Variants in ILRUN observed in about 807,000 individuals in gnomAD.
ILRUN encodes the protein inflammation and lipid regulator with UBA-like and NBR1-like domains, also known as protein ILRUN.
In ILRUN, 3 loss-of-function variants were observed where a neutral mutation model predicts 33.8. The ratio of observed to expected loss-of-function variants is 0.09; its 90% CI spans 0.04 to 0.23. The LOEUF (loss-of-function observed/expected upper bound fraction) is 0.23. Ranked by LOEUF, ILRUN falls within the 10% of genes least tolerant of loss-of-function variation. ILRUN has a pLI of 1.00. For synonymous variants in ILRUN, 124 were observed against 138.9 expected (o/e 0.89, Z 0.75); for missense variants, 210 against 375.1 (o/e 0.56, Z 3.64).
At chr6:34,600,446 C>T (rs562876361) in intron 4 of ILRUN, among the ~76,000 whole-genome samples, 16 of 152,232 alleles carry the variant, frequency 1.1e-4, no homozygotes, top group Non-Finnish European at 1.9e-4. Context: ...ACAGCCCCTA[C>T]GTATGTTCTA....
intron 1 of ILRUN, among the ~76,000 whole-genome samples, chr6:34,659,642 T>TA (rs71000078): frequency 7.0e-6 from 1 of 142,332 alleles, no homozygotes. Flanking sequence ...TTTTTTTTTT[T>TA]AACGGAGTCT....
chr6:34,593,946 C>T (rs536195017), intron 4 of ILRUN, among the ~76,000 whole-genome samples: 2 of 152,126 alleles, frequency 1.3e-5, no homozygotes, highest in Non-Finnish European at 2.9e-5. Context: ...AAGACCATCG[C>T]GGTACCTTCT....
At chr6:34,632,531 T>C (rs1228436080) in intron 3 of ILRUN, among the ~76,000 whole-genome samples, 1 of 152,008 alleles carries the variant, frequency 6.6e-6, no homozygotes, top group Non-Finnish European at 1.5e-5. Flanking sequence ...AAATCATGTA[T>C]TTCTTTTTAT....
chr6:34,648,033 TA>T (rs1255631182), intron 2 of ILRUN, among the ~76,000 whole-genome samples: 1 of 152,220 alleles, frequency 6.6e-6, no homozygotes, highest in African/African-American at 2.4e-5. Flanking sequence ...TTCATGTAAC[TA>T]ATTCATGAGA....
intron 3 of ILRUN, among the ~76,000 whole-genome samples, chr6:34,632,697 G>C (rs111771972): frequency 1.6e-5 from 2 of 122,964 alleles, no homozygotes; most frequent in African/African-American, 3.1e-5. Context: ...TTTTTTTTTT[G>C]TATTTTTAGT....
At chr6:34,597,037 C>T (rs1761414812) in intron 4 of ILRUN, among the ~76,000 whole-genome samples, 1 of 152,116 alleles carries the variant, frequency 6.6e-6, no homozygotes, top group African/African-American at 2.4e-5. Flanking sequence ...TGTCAACCAT[C>T]CTCCTGTCCA....
chr6:34,689,796 G>A (rs1409064733), intron 1 of ILRUN, among the ~76,000 whole-genome samples: 1 of 151,186 alleles, frequency 6.6e-6, no homozygotes, highest in Non-Finnish European at 1.5e-5. Context: ...TGACAATGTT[G>A]AGAAAATTAA....
chr6:34,677,947 CAAAA>C (rs200840957), intron 1 of ILRUN, among the ~76,000 whole-genome samples: 8 of 74,370 alleles, frequency 1.1e-4, no homozygotes, highest in Admixed American at 1.5e-4. Flanking sequence ...ATCCTGCCTC[CAAAA>C]AAAAAAAAAA....
intron 1 of ILRUN, among the ~76,000 whole-genome samples, chr6:34,681,183 G>A (rs775265264): frequency 1.3e-5 from 2 of 152,070 alleles, no homozygotes; most frequent in African/African-American, 2.4e-5. Flanking sequence ...GACCTCTTAT[G>A]AATCACTGAC....
chr6:34,636,780 G>A (rs1011349764), intron 3 of ILRUN, among the ~76,000 whole-genome samples: 5 of 152,078 alleles, frequency 3.3e-5, no homozygotes, highest in African/African-American at 9.7e-5. Context: ...AGTCAATTAT[G>A]CTTACTTCCT....
In ILRUN at chr6:34,606,724, C is replaced by T; in HGVS notation, c.692G>A (p.Gly231Glu). Residue 231 changes from glycine to glutamate, a missense_variant, in exon 4 of 5, where the codon GGG becomes GAG. Gly to Glu is a moderately conservative substitution (Grantham distance 98). Around this residue, in one of 4 missense-constraint regions of ILRUN, gnomAD observed 81 missense variants for 97.0 expected, o/e 0.84. Transcript: ENST00000374023. ...QSDENNLKDPGGSEFDSISKN... is the reference protein window; with the variant it reads ...QSDENNLKDPEGSEFDSISKN... ...GCTGATCGAGTCGAACTCGGAGCCC[C>T]CAGGGTCTTTTAAGTTGTTTTCATC... is the stretch of plus-strand genomic sequence containing the variant. 1 of 1,614,094 alleles carries T rather than the reference C, an allele frequency of 6.2e-7. No individual in the cohort carries two copies. Among genetic ancestry groups the T allele is most frequent in the Non-Finnish European group, 8.5e-7 (1 of 1,180,020 alleles).
At chr6:34,595,422 T>C (rs1225642285) in intron 4 of ILRUN, among the ~76,000 whole-genome samples, 3 of 152,230 alleles carry the variant, frequency 2.0e-5, no homozygotes, top group African/African-American at 7.2e-5. Context: ...TTTTCATCAG[T>C]AGGCAGGGCA....
At chr6:34,651,693 ACTTGAAT>A (rs1762671926) in intron 2 of ILRUN, among the ~76,000 whole-genome samples, 1 of 150,992 alleles carries the variant, frequency 6.6e-6, no homozygotes, top group Non-Finnish European at 1.5e-5. Flanking sequence ...AACAAATAAA[ACTTGAAT>A]TCAAGTCACA....
chr6:34,622,942 A>T (rs1762038932), intron 3 of ILRUN, among the ~76,000 whole-genome samples: 1 of 152,248 alleles, frequency 6.6e-6, no homozygotes, highest in South Asian at 2.1e-4. Flanking sequence ...ATTCTGATAC[A>T]TGCTATAATA....
rs1761759829 is a variant in ILRUN at position 34,611,795 on chromosome 6, A to C, written c.512-4891T>G. Among the ~76,000 whole-genome samples the C allele has an allele frequency of 3.3e-5, 5 of 152,242 alleles. No individual in the cohort carries two copies. The South Asian group carries it at 1.0e-3, about 31-fold the overall frequency. On this transcript the variant is annotated intron_variant, in intron 3 of 4. Transcript: ENST00000374023. ...GTCTAGAGGTAAAAGTGATGAGCTC[A>C]AGGTCATAATTTAAGTTAAAGCAGA...
At chr6:34,637,787 A>G (rs1454375250) in intron 3 of ILRUN, among the ~76,000 whole-genome samples, 1 of 152,066 alleles carries the variant, frequency 6.6e-6, no homozygotes, top group African/African-American at 2.4e-5. Flanking sequence ...AGACCCACAT[A>G]TATGCATTTT....
At chr6:34,616,934 G>T in intron 3 of ILRUN, 1 of 582,320 alleles carries the variant, frequency 1.7e-6, no homozygotes, top group Non-Finnish European at 3.3e-6. Context: ...ACCATATATT[G>T]CATAGGAGTA....
At chr6:34,611,162 T>C (rs1031271019) in intron 3 of ILRUN, among the ~76,000 whole-genome samples, 8 of 150,494 alleles carry the variant, frequency 5.3e-5, no homozygotes, top group African/African-American at 1.7e-4. Context: ...GTTGCCCAGG[T>C]TGGCAAACTC....
intron 1 of ILRUN, among the ~76,000 whole-genome samples, chr6:34,670,844 C>CAAAAAA (rs201024054): frequency 3.4e-5 from 2 of 58,524 alleles, no homozygotes; most frequent in Non-Finnish European, 3.6e-5. Flanking sequence ...GACCCTGTCT[C>CAAAAAA]AAAAAAAAAA....
Sources: gnomAD v4.1 joint callset for allele counts (sites outside exome capture counted in the v4.1 genomes callset) on GRCh38, gnomAD v4.1.1 for gene constraint, gnomAD v4.1.1 regional missense constraint, MANE v1.5 for transcripts, NCBI Gene and HGNC (gene_info 2026-07-23, HGNC 2026-07-21) for gene names.